TSHZ3: variants seen among roughly 807,000 people sequenced by gnomAD.
The protein encoded by TSHZ3 is teashirt zinc finger homeobox 3.
In TSHZ3, 10 loss-of-function variants were observed where a neutral mutation model predicts 64.5. That is an observed-to-expected ratio of 0.16 (90% CI 0.10 to 0.26). TSHZ3 has a LOEUF of 0.26. Ranked by LOEUF, TSHZ3 falls within the 10% of genes least tolerant of loss-of-function variation. The pLI, the probability that TSHZ3 is intolerant of heterozygous loss-of-function variation, is 1.00. For synonymous variants in TSHZ3, 608 were observed against 593.1 expected (o/e 1.03, Z -0.36); for missense variants, 1,242 against 1,421.7 (o/e 0.87, Z 2.03).
At chr19:31,199,940 A>G (rs1975053493) in intron 5 of TSHZ3, among the ~76,000 whole-genome samples, 1 of 150,808 alleles carries the variant, frequency 6.6e-6, no homozygotes, top group African/African-American at 2.4e-5. Context: ...AAGAAGATAT[A>G]CAGATAGCAA....
rs532768003 is a variant in TSHZ3 at position 31,310,086 on chromosome 19, T to G, written c.41-30334A>C. On this transcript the variant is annotated intron_variant, in intron 1 of 1. Coordinates refer to ENST00000240587, the MANE Select transcript of TSHZ3 (RefSeq NM_020856.4). ...TGCATGCAAGTATGTTTTCCTTCCTTGAGTTTGAGCGACATCTCCTTCCCA... is the reference window on the plus strand; with the variant it reads ...TGCATGCAAGTATGTTTTCCTTCCTGGAGTTTGAGCGACATCTCCTTCCCA... Among the ~76,000 whole-genome samples, 11 of 152,282 alleles carry G rather than the reference T, an allele frequency of 7.2e-5. No individual in the cohort carries two copies. The East Asian group carries it at 2.1e-3, about 29-fold the overall frequency.
At chr19:31,315,579 T>C (rs1383224611) in intron 1 of TSHZ3, among the ~76,000 whole-genome samples, 1 of 152,112 alleles carries the variant, frequency 6.6e-6, no homozygotes, top group Non-Finnish European at 1.5e-5. Context: ...CCAGCTTGGA[T>C]GGGCAAAGCA....
At position 31,275,268 on chromosome 19, in the gene TSHZ3, T is replaced by C. The variant is rs974471256; in HGVS notation, c.*1279A>G. On this transcript the variant is annotated 3_prime_UTR_variant, in exon 2 of 2. Transcript: ENST00000240587. ...GAAGAACAAAACAGAAAGTTACCAA[T>C]TGAAATAGAAAGGCATCCTACAATA... 1.3e-5 allele frequency: 2 copies of C among 152,446 alleles called. No homozygotes were observed. Among genetic ancestry groups the C allele is most frequent in the African/African-American group, 4.8e-5 (2 of 41,380 alleles). The allele number at this position is 152,446 out of a possible 1,614,324, so 9.4% of individuals were successfully genotyped here. A position where few individuals can be genotyped will look rare whatever the true frequency, so the allele number is the denominator to read the frequency against.
intron 1 of TSHZ3, among the ~76,000 whole-genome samples, chr19:31,252,304 C>T (rs1017524015): frequency 6.6e-6 from 1 of 152,072 alleles, no homozygotes; most frequent in Admixed American, 6.5e-5. Context: ...CCTCTGTCTT[C>T]GCTCCACGGT....
Position 31,210,581 on chromosome 19 carries a change from A to C in TSHZ3, n.687-5503T>G, listed in dbSNP as rs113309840. Among the ~76,000 whole-genome samples the C allele has an allele frequency of 7.0e-3, 1,059 of 152,262 alleles. 8 individuals carry two copies. The highest frequency in any genetic ancestry group is 0.023 in the African/African-American group (965 of 41,568). ...GTGTCTAGGGGTTAACACTTCAAGA[A>C]GAAACAGGGGAGATTTTGCTGGTGT... On this transcript the variant is annotated intron_variant and non_coding_transcript_variant, in intron 4 of 6. Transcript: ENST00000651361.
rs774427176 is a variant in TSHZ3 at position 31,278,719 on chromosome 19, A to T, written c.1074T>A (p.Pro358=). 1.9e-6 allele frequency: 3 copies of T among 1,614,042 alleles called. No homozygotes were observed. The South Asian group carries it at 3.3e-5, about 18-fold the overall frequency. The change falls in exon 2 of 2, where the codon CCT becomes CCA. Residue 358 remains proline, a synonymous_variant. Coordinates refer to ENST00000240587, the MANE Select transcript of TSHZ3 (RefSeq NM_020856.4). The surrounding 1 kb of genome is among the most constrained non-coding windows in gnomAD (Gnocchi z 4.7). ...CGTACCGATTATTTGGCGTGATGTA[A>T]GGGTTGGAGTTCTTCTGAAGTGCAT... The part of the protein sequence containing the change: ...TNDALQKNSN[P]YITPNNRYGH...
intron 4 of TSHZ3, among the ~76,000 whole-genome samples, chr19:31,218,289 T>C (rs1190741840): frequency 6.6e-4 from 17 of 25,926 alleles, no homozygotes; most frequent in African/African-American, 2.2e-3. Flanking sequence ...AATACCTATG[T>C]CATATGTCCT....
chr19:31,346,639 C>G (rs919359048), intron 1 of TSHZ3, among the ~76,000 whole-genome samples: 3 of 152,092 alleles, frequency 2.0e-5, no homozygotes, highest in Non-Finnish European at 4.4e-5. Context: ...TTTCTTTTCC[C>G]CACTCTCTCT....
At chr19:31,307,849 C>A (rs1230132423) in intron 1 of TSHZ3, among the ~76,000 whole-genome samples, 1 of 152,184 alleles carries the variant, frequency 6.6e-6, no homozygotes, top group Non-Finnish European at 1.5e-5. Context: ...ACCTGCCATT[C>A]ATCTTTGATC....
intron 1 of TSHZ3, among the ~76,000 whole-genome samples, chr19:31,324,292 T>G (rs933795560): frequency 6.6e-6 from 1 of 152,220 alleles, no homozygotes; most frequent in Non-Finnish European, 1.5e-5. Flanking sequence ...ACGTTTACAA[T>G]TTGACTATTC....
At chr19:31,289,196 C>T (rs1013268299) in intron 1 of TSHZ3, among the ~76,000 whole-genome samples, 1 of 152,200 alleles carries the variant, frequency 6.6e-6, no homozygotes, top group African/African-American at 2.4e-5. Context: ...ATCTGGGAGG[C>T]ACGGCCAGGG....
chr19:31,210,836 AT>A (rs1975252372), intron 4 of TSHZ3, among the ~76,000 whole-genome samples: 2 of 152,370 alleles, frequency 1.3e-5, no homozygotes, highest in South Asian at 4.1e-4. Flanking sequence ...TTAAAATGGA[AT>A]TAAATGAATA....
chr19:31,252,332 C>T lies in TSHZ3; in HGVS notation n.64-9457G>A, dbSNP rs531234243. On this transcript the variant is annotated intron_variant and non_coding_transcript_variant, in intron 1 of 6. Coordinates refer to the TSHZ3 transcript ENST00000651361. Reference sequence around the variant, plus strand: ...TCCACGGTCTCTCCCTATGCCAGCTCCCCCGTGTGTCTCTTGTAAGGACAC... The same window carrying T: ...TCCACGGTCTCTCCCTATGCCAGCTTCCCCGTGTGTCTCTTGTAAGGACAC... Among the ~76,000 whole-genome samples, 35 of 152,196 alleles carry T rather than the reference C, an allele frequency of 2.3e-4. No homozygotes were observed. The South Asian group carries it at 6.4e-3, about 28-fold the overall frequency.
chr19:31,350,238 G>C (rs1287899758), upstream of TSHZ3, among the ~76,000 whole-genome samples: 1 of 150,302 alleles, frequency 6.7e-6, no homozygotes, highest in Non-Finnish European at 1.5e-5. Flanking sequence ...GGGCGGGTGG[G>C]GGCAGCCCTC....
chr19:31,250,957 G>C (rs1211456410), intron 1 of TSHZ3, among the ~76,000 whole-genome samples: 1 of 152,144 alleles, frequency 6.6e-6, no homozygotes, highest in African/African-American at 2.4e-5. Flanking sequence ...TCTGACCACA[G>C]GGAGGGGCAG....
chr19:31,318,865 T>C (rs971218527), intron 1 of TSHZ3, among the ~76,000 whole-genome samples: 2 of 152,160 alleles, frequency 1.3e-5, no homozygotes, highest in Non-Finnish European at 2.9e-5. Context: ...GAACAAACGA[T>C]CCGGTCACCA....
chr19:31,187,373 C>T (rs1004460765), intron 5 of TSHZ3, among the ~76,000 whole-genome samples: 2 of 150,140 alleles, frequency 1.3e-5, no homozygotes, highest in Non-Finnish European at 3.0e-5. Context: ...AGCAGAATTG[C>T]ATTGTACCAA....
chr19:31,330,770 C>G (rs982636654), intron 1 of TSHZ3, among the ~76,000 whole-genome samples: 1 of 152,082 alleles, frequency 6.6e-6, no homozygotes, highest in African/African-American at 2.4e-5. Context: ...AGAAGGCGAC[C>G]CCAGACCCCA....
chr19:31,327,466 T>A (rs1023858109), intron 1 of TSHZ3, among the ~76,000 whole-genome samples: 1 of 152,242 alleles, frequency 6.6e-6, no homozygotes, highest in Non-Finnish European at 1.5e-5. Context: ...TGATATCTAA[T>A]GAGAGGGAAG....
Sources: allele counts gnomAD v4.1 joint callset (sites outside exome capture counted in the v4.1 genomes callset), GRCh38; gene constraint gnomAD v4.1.1; non-coding constraint Gnocchi (gnomAD v3.1); transcripts MANE v1.5; gene names NCBI Gene and HGNC (gene_info 2026-07-23, HGNC 2026-07-21).